TWIST2: variants seen among roughly 807,000 people sequenced by gnomAD.
The protein encoded by TWIST2 is twist family bHLH transcription factor 2.
A neutral mutation model predicts 11.6 loss-of-function variants in TWIST2; 1 was observed. That is an observed-to-expected ratio of 0.09 (90% CI 0.03 to 0.41). The LOEUF is 0.41. Ranked by LOEUF, TWIST2 falls within the 10% of genes least tolerant of loss-of-function variation. The probability of loss-of-function intolerance (pLI) is 0.98; values close to 1 mark genes in which losing one functional copy is unlikely to be tolerated. For synonymous variants in TWIST2, 87 were observed against 96.6 expected (o/e 0.90, Z 0.58); for missense variants, 168 against 226.4 (o/e 0.74, Z 1.66).
At chr2:238,905,972 T>C (rs1161438280) in intron 1 of TWIST2, among the ~76,000 whole-genome samples, 26,105 of 139,254 alleles carry the variant, frequency 0.19, 2,613 homozygotes, top group African/African-American at 0.32. Context: ...TGCGTGTGTG[T>C]GCGCGCGCGT....
At position 238,881,213 on chromosome 2, in the gene TWIST2, CTTAGTG is replaced by C. The variant is rs1418289172; in HGVS notation, c.*36-28621_*36-28616del. Among the ~76,000 whole-genome samples the C allele has an allele frequency of 2.0e-4, 25 of 122,416 alleles. No individual in the cohort carries two copies. In the East Asian group the frequency reaches 4.0e-3, roughly 19 times the overall value. The allele number at this position is 122,416 out of a possible 152,430, so 80.3% of individuals were successfully genotyped here. A position where few individuals can be genotyped will look rare whatever the true frequency, so the allele number is the denominator to read the frequency against. Reference sequence around the variant, plus strand: ...TATTAGTATTAGTGTTACTGTTAGTCTTAGTGTTAGTGTCAGTATTAGTATTAGTGT... The same window carrying C: ...TATTAGTATTAGTGTTACTGTTAGTCTTAGTGTCAGTATTAGTATTAGTGT... On this transcript the variant is annotated intron_variant, in intron 1 of 1. Transcript: ENST00000612363.
rs1375736658 is a variant in TWIST2 at position 238,870,537 on chromosome 2, C to T, written c.*35+21804C>T. ...TACCACACACAAACCACACACCCTA[C>T]ATACCCCACACACCCCACACACACC... On this transcript the variant is annotated intron_variant, in intron 1 of 1. Transcript: ENST00000612363. Among the ~76,000 whole-genome samples the T allele has an allele frequency of 1.7e-5, 2 of 115,688 alleles. 1 individual carries two copies. Among genetic ancestry groups the T allele is most frequent in the Non-Finnish European group, 3.6e-5 (2 of 55,644 alleles). The allele number at this position is 115,688 out of a possible 152,430, so 75.9% of individuals were successfully genotyped here.
At chr2:238,897,516 G>A (rs1228384533) in intron 1 of TWIST2, among the ~76,000 whole-genome samples, 1 of 152,192 alleles carries the variant, frequency 6.6e-6, no homozygotes, top group Non-Finnish European at 1.5e-5. Flanking sequence ...AGGCCACCCT[G>A]GTGCCTGGTT....
At chr2:238,909,157 G>GTGTAGGTGTGTA (rs1693410600) in intron 1 of TWIST2, among the ~76,000 whole-genome samples, 1 of 26,436 alleles carries the variant, frequency 3.8e-5, no homozygotes, top group Admixed American at 4.9e-4. Flanking sequence ...TGTATGTGGT[G>GTGTAGGTGTGTA]TGTAGTGTGG....
intron 1 of TWIST2, among the ~76,000 whole-genome samples, chr2:238,899,156 C>T (rs1484323701): frequency 2.0e-5 from 3 of 152,372 alleles, no homozygotes; most frequent in South Asian, 2.1e-4. Context: ...CCGCTGGCCA[C>T]GGGAGCCACC....
chr2:238,904,295 T>TGTG (rs1231457116), intron 1 of TWIST2, among the ~76,000 whole-genome samples: 2,165 of 138,298 alleles, frequency 0.016, 92 homozygotes, highest in African/African-American at 0.058. Context: ...GTGTGTGTGA[T>TGTG]GGGGGTGTGT....
At chr2:238,904,473 CTGTG>C (rs1170665909) in intron 1 of TWIST2, among the ~76,000 whole-genome samples, 29 of 146,988 alleles carry the variant, frequency 2.0e-4, no homozygotes, top group Non-Finnish European at 1.5e-5. Flanking sequence ...GTGTGTGTGT[CTGTG>C]TGCGTGTTCG....
At chr2:238,880,350 AGT>A (rs1284725954) in intron 1 of TWIST2, among the ~76,000 whole-genome samples, 5 of 138,088 alleles carry the variant, frequency 3.6e-5, no homozygotes, top group Non-Finnish European at 6.1e-5. Context: ...TGTCAGTATT[AGT>A]GTTAGTATTT....
intron 1 of TWIST2, among the ~76,000 whole-genome samples, chr2:238,849,536 C>T (rs1692204161): frequency 6.6e-6 from 1 of 152,178 alleles, no homozygotes; most frequent in Admixed American, 6.5e-5. Context: ...TGAGTCCCAA[C>T]CTTGACCCTG....
chr2:238,864,054 T>A lies in TWIST2; in HGVS notation c.*35+15321T>A, dbSNP rs144334105. Among the ~76,000 whole-genome samples, 1,180 of 152,328 alleles carry A rather than the reference T, an allele frequency of 7.7e-3. 10 individuals are homozygous for A. Among genetic ancestry groups the A allele is most frequent in the African/African-American group, 0.027 (1,105 of 41,568 alleles). ...GCCATAATCTAATTTTCGTTAAGCCTGTCTTCCTTTACACCCTGGGCTACA... is the reference window on the plus strand; with the variant it reads ...GCCATAATCTAATTTTCGTTAAGCCAGTCTTCCTTTACACCCTGGGCTACA... On this transcript the variant is annotated intron_variant, in intron 1 of 1. Coordinates refer to ENST00000612363, the MANE Select transcript of TWIST2 (RefSeq NM_001271893.4). The surrounding 1 kb of genome is among the most constrained non-coding windows in gnomAD (Gnocchi z 4.7).
At position 238,867,370 on chromosome 2, in the gene TWIST2, A is replaced by AACACACACACACACAC. The variant is rs1229428285; in HGVS notation, c.*35+18664_*35+18679dup. Among the ~76,000 whole-genome samples the AACACACACACACACAC allele has an allele frequency of 0.015, 1,775 of 119,678 alleles. 38 individuals carry two copies. The highest frequency in any genetic ancestry group is 0.028 in the East Asian group (110 of 3,948). The allele number at this position is 119,678 out of a possible 152,430, so 78.5% of individuals were successfully genotyped here. On this transcript the variant is annotated intron_variant, in intron 1 of 1. Transcript: ENST00000612363. This position sits in a 1 kb window ranked among gnomAD's most constrained non-coding sequence, Gnocchi z 4.8. ...CTGGGGAGTAAAATGTCCTGCCTTC[A>AACACACACACACACAC]ACACACACACACACACACACACACA...
chr2:238,902,716 GA>G (rs1693287146), intron 1 of TWIST2, among the ~76,000 whole-genome samples: 1 of 128,730 alleles, frequency 7.8e-6, no homozygotes, highest in Non-Finnish European at 1.6e-5. Context: ...AGGTGTGTGT[GA>G]TGTGTGTGTG....
Position 238,848,413 on chromosome 2 carries a change from C to A in TWIST2, c.198C>A (p.Ser66Arg). ...PSAQSFEELQ[S>R]QRILANVRER... ...CGCAGTCCTTCGAGGAGCTGCAGAG[C>A]CAGCGCATCCTGGCCAACGTGCGCG... The change falls in exon 1 of 2, where the codon AGC becomes AGA. Residue 66 changes from serine to arginine, a missense_variant. Coordinates refer to ENST00000612363, the MANE Select transcript of TWIST2 (RefSeq NM_001271893.4). The A allele has an allele frequency of 6.5e-7, 1 of 1,538,796 alleles. No homozygotes were observed. The highest frequency in any genetic ancestry group is 1.2e-5 in the South Asian group (1 of 84,052).
chr2:238,879,242 A>C (rs1692861880), intron 1 of TWIST2, among the ~76,000 whole-genome samples: 1 of 151,854 alleles, frequency 6.6e-6, no homozygotes. Flanking sequence ...TCTTGATGAG[A>C]CCAATAATCA....
chr2:238,891,911 C>CTA (rs1361482243), intron 1 of TWIST2, among the ~76,000 whole-genome samples: 1 of 152,140 alleles, frequency 6.6e-6, no homozygotes, highest in Non-Finnish European at 1.5e-5. Context: ...GAAGATTGGG[C>CTA]TATGTAGGAC....
chr2:238,907,731 C>A (rs1187404481), intron 1 of TWIST2, among the ~76,000 whole-genome samples: 8 of 145,000 alleles, frequency 5.5e-5, no homozygotes, highest in African/African-American at 1.8e-4. Flanking sequence ...CACAAACACA[C>A]ACATAAACGC....
At position 238,866,332 on chromosome 2, in the gene TWIST2, G is replaced by A. The variant is rs1692533160; in HGVS notation, c.*35+17599G>A. Among the ~76,000 whole-genome samples, 1 of 152,228 alleles carries A rather than the reference G, an allele frequency of 6.6e-6. No individual in the cohort carries two copies. The highest frequency in any genetic ancestry group is 2.4e-5 in the African/African-American group (1 of 41,460). ...AGTTGCCAGTAAGAACAGGGGTGAG[G>A]AGATGAGCAAACCCACATGCTTGTT... On this transcript the variant is annotated intron_variant, in intron 1 of 1. Transcript: ENST00000612363. The surrounding 1 kb of genome is among the most constrained non-coding windows in gnomAD (Gnocchi z 4.9).
intron 1 of TWIST2, among the ~76,000 whole-genome samples, chr2:238,853,780 T>C (rs764752965): frequency 5.3e-5 from 8 of 152,230 alleles, no homozygotes; most frequent in Non-Finnish European, 7.3e-5. Context: ...ATGAGGAAAA[T>C]GTTTTAGTGC....
intron 1 of TWIST2, among the ~76,000 whole-genome samples, chr2:238,892,922 A>T (rs1360048174): frequency 6.6e-6 from 1 of 152,210 alleles, no homozygotes; most frequent in African/African-American, 2.4e-5. Flanking sequence ...AGTTTTATTC[A>T]TGTGGTGCAG....
Sources: gnomAD v4.1 joint callset for allele counts (sites outside exome capture counted in the v4.1 genomes callset) on GRCh38, gnomAD v4.1.1 for gene constraint, Gnocchi (gnomAD v3.1) non-coding constraint, MANE v1.5 for transcripts, NCBI Gene and HGNC (gene_info 2026-07-23, HGNC 2026-07-21) for gene names.